The following NHSL1 variants were observed in gnomAD, a reference collection of about 807,000 sequenced individuals.
NHSL1 encodes NHS like 1, also known as NHS-like protein 1.
NHSL1 carries 48 observed loss-of-function variants against 95.0 expected under a neutral mutation model. That is an observed-to-expected ratio of 0.51 (90% CI 0.40 to 0.64). The LOEUF (loss-of-function observed/expected upper bound fraction) is 0.64, where lower values mean the gene tolerates loss of function less well. Ranked by LOEUF, NHSL1 falls within the 30% of genes least tolerant of loss-of-function variation. NHSL1 has a pLI of 0.00. For missense variants in NHSL1, 1,971 were observed against 2,077.7 expected, an observed-to-expected ratio of 0.95 and a Z score of 1.00; for synonymous variants, 783 against 833.9, an observed-to-expected ratio of 0.94 and a Z score of 1.05.
chr6:138,490,672 CA>C (rs1266008255), intron 2 of NHSL1, among the ~76,000 whole-genome samples: 1 of 152,020 alleles, frequency 6.6e-6, no homozygotes, highest in Non-Finnish European at 1.5e-5. Flanking sequence ...CTCACTCTGT[CA>C]CCAGGCTGGA....
At chr6:138,557,907 T>C (rs1203524474) in intron 1 of NHSL1, among the ~76,000 whole-genome samples, 1 of 152,218 alleles carries the variant, frequency 6.6e-6, no homozygotes, top group Admixed American at 6.5e-5. Flanking sequence ...CCATGACCTG[T>C]AAACAGGCTC....
chr6:138,457,209 C>G (rs1296202495), intron 3 of NHSL1, among the ~76,000 whole-genome samples: 1 of 152,056 alleles, frequency 6.6e-6, no homozygotes, highest in African/African-American at 2.4e-5. Context: ...AATTGCTTTG[C>G]CAACAGTATT....
At chr6:138,493,442 T>A (rs987041550) in intron 2 of NHSL1, among the ~76,000 whole-genome samples, 1 of 152,236 alleles carries the variant, frequency 6.6e-6, no homozygotes, top group Non-Finnish European at 1.5e-5. Flanking sequence ...TATAAACAGA[T>A]GTTCAGTTTT....
chr6:138,643,005 G>T (rs886221074), intron 1 of NHSL1, among the ~76,000 whole-genome samples: 1 of 152,142 alleles, frequency 6.6e-6, no homozygotes, highest in African/African-American at 2.4e-5. Context: ...GGTGTTTTAA[G>T]CTTACCTATC....
chr6:138,473,414 A>T lies in NHSL1; in HGVS notation c.231T>A (p.His77Gln), dbSNP rs973740898. Residue 77 changes from histidine to glutamine, a missense_variant, in exon 3 of 8, where the codon CAT (histidine) becomes CAA (glutamine). Transcript: ENST00000343505. The part of the protein sequence containing the change: ...SVLRECDKLR[H>Q]DGYRSSQYYS... ...AGTACTGAGAACTGCGGTAGCCATC[A>T]TGCCGCAACTTATCGCATTCTGCAG... 1.3e-6 allele frequency: 2 copies of T among 1,510,364 alleles called. No individual in the cohort carries two copies. The highest frequency in any genetic ancestry group is 1.8e-6 in the Non-Finnish European group (2 of 1,126,390). 93.6% of individuals were successfully genotyped at this position (1,510,364 alleles called of 1,614,324 possible).
upstream of NHSL1, among the ~76,000 whole-genome samples, chr6:138,503,146 T>C (rs1051371963): frequency 6.6e-6 from 1 of 152,220 alleles, no homozygotes; most frequent in Non-Finnish European, 1.5e-5. Flanking sequence ...CTCCTACTAA[T>C]GGTGTTTTTC....
chr6:138,648,157 C>T (rs1218104803), intron 1 of NHSL1, among the ~76,000 whole-genome samples: 4 of 151,840 alleles, frequency 2.6e-5, no homozygotes, highest in South Asian at 2.1e-4. Context: ...TTTTCCAGAC[C>T]GTACACACAC....
chr6:138,645,836 T>A (rs1352156633), intron 1 of NHSL1, among the ~76,000 whole-genome samples: 1 of 152,150 alleles, frequency 6.6e-6, no homozygotes, highest in Non-Finnish European at 1.5e-5. Flanking sequence ...TCCACAAACA[T>A]CACCAGAGCA....
At chr6:138,513,850 C>T (rs1206992401) in intron 1 of NHSL1, among the ~76,000 whole-genome samples, 1 of 152,140 alleles carries the variant, frequency 6.6e-6, no homozygotes, top group Non-Finnish European at 1.5e-5. Flanking sequence ...TTTAATCTCC[C>T]ACTAAACACA....
At chr6:138,689,849 T>C (rs1785638126) in intron 1 of NHSL1, among the ~76,000 whole-genome samples, 1 of 152,088 alleles carries the variant, frequency 6.6e-6, no homozygotes, top group South Asian at 2.1e-4. Context: ...GGTTTCGCCA[T>C]GTTGGCCAGG....
chr6:138,657,814 CAAAAAAAA>C (rs1051789759), intron 1 of NHSL1, among the ~76,000 whole-genome samples: 1 of 33,042 alleles, frequency 3.0e-5, no homozygotes, highest in South Asian at 1.4e-3. Context: ...GACTCCATCT[CAAAAAAAA>C]AAAAAAAAAA....
chr6:138,516,211 T>C lies in NHSL1; in HGVS notation c.17-19840A>G, dbSNP rs572508510. Among the ~76,000 whole-genome samples the C allele has an allele frequency of 2.8e-3, 421 of 152,190 alleles. 1 individual carries two copies. Among genetic ancestry groups the C allele is most frequent in the Non-Finnish European group, 3.6e-3 (244 of 68,014 alleles). On this transcript the variant is annotated intron_variant, in intron 1 of 4. Coordinates refer to the NHSL1 transcript ENST00000342260. ...AGGTGGGAAGCAAGGCATGTAGTGA[T>C]CATTTTGCTGGTAAGGTACACAGCT...
intron 3 of NHSL1, among the ~76,000 whole-genome samples, chr6:138,464,709 TC>T (rs1247573316): frequency 4.3e-5 from 6 of 138,750 alleles, no homozygotes; most frequent in African/African-American, 1.5e-4. Context: ...CTTTTTTTTT[TC>T]TTTTCTTTTT....
chr6:138,446,323 C>T (rs1206680356), intron 4 of NHSL1, among the ~76,000 whole-genome samples: 1 of 152,160 alleles, frequency 6.6e-6, no homozygotes, highest in Non-Finnish European at 1.5e-5. Flanking sequence ...AGGTGTGAGC[C>T]ACCACGCCCA....
Position 138,615,284 on chromosome 6 carries a change from C to T in NHSL1, c.96+77192G>A, listed in dbSNP as rs1784564075. 3.9e-5 allele frequency among the ~76,000 whole-genome samples: 6 copies of T among 152,210 alleles called. No homozygotes were observed. In the South Asian group the frequency reaches 1.2e-3, roughly 31 times the overall value. On this transcript the variant is annotated intron_variant, in intron 1 of 3. Transcript: ENST00000491526. ...TCAAGGCACTCTTATCATATGTTTACAATGTTGCTTTCCAGCCCCTTGTTG... is the reference window on the plus strand; with the variant it reads ...TCAAGGCACTCTTATCATATGTTTATAATGTTGCTTTCCAGCCCCTTGTTG...
At chr6:138,488,003 C>T (rs541907996) in intron 2 of NHSL1, among the ~76,000 whole-genome samples, 3 of 152,244 alleles carry the variant, frequency 2.0e-5, no homozygotes, top group African/African-American at 7.2e-5. Context: ...AGTGGCTGGG[C>T]GTGGTGGCTC....
chr6:138,470,766 A>C (rs1411496257), intron 3 of NHSL1, among the ~76,000 whole-genome samples: 1 of 152,132 alleles, frequency 6.6e-6, no homozygotes, highest in East Asian at 1.9e-4. Context: ...CTCCTCCCAC[A>C]AACACCAGGC....
At chr6:138,534,506 T>C (rs951334131) in intron 1 of NHSL1, among the ~76,000 whole-genome samples, 1 of 152,194 alleles carries the variant, frequency 6.6e-6, no homozygotes, top group Non-Finnish European at 1.5e-5. Context: ...GCCTTTTTCA[T>C]AGAATTCATC....
intron 5 of NHSL1, 105 bp from the exon 6 acceptor site, chr6:138,433,785 G>C (rs1583153839): frequency 7.2e-7 from 1 of 1,393,152 alleles, no homozygotes; most frequent in African/African-American, 1.4e-5. Flanking sequence ...TTTTCTATTT[G>C]ATTTAATTTC....
Sources: gnomAD v4.1 joint callset for allele counts (sites outside exome capture counted in the v4.1 genomes callset) on GRCh38, gnomAD v4.1.1 for gene constraint, MANE v1.5 for transcripts, NCBI Gene and HGNC (gene_info 2026-07-23, HGNC 2026-07-21) for gene names.